Variants in DNAH9 observed in about 807,000 individuals in gnomAD.
DNAH9 encodes dynein axonemal heavy chain 9, also known as DNAH9 variant protein.
DNAH9 carries 345 observed loss-of-function variants against 471.6 expected under a neutral mutation model. The observed-to-expected ratio is 0.73, with a 90% CI of 0.67 to 0.80. The LOEUF (loss-of-function observed/expected upper bound fraction) is 0.80. Among genes scored for constraint, DNAH9 ranks in the 30% least tolerant of loss-of-function variants. DNAH9 has a pLI of 0.00. For synonymous variants in DNAH9, 2,093 were observed against 2,123.6 expected (o/e 0.99, Z 0.40); for missense variants, 5,407 against 5,609.2 (o/e 0.96, Z 1.15).
At chr17:11,705,271 C>T in intron 26 of DNAH9, 86 bp downstream of exon 26, 1 of 1,215,232 alleles carries the variant, frequency 8.2e-7, no homozygotes. Context: ...GTCCCTGTCA[C>T]TTGCTATTTG....
chr17:11,757,743 C>A, intron 35 of DNAH9, 51 bp downstream of exon 35: 1 of 1,580,808 alleles, frequency 6.3e-7, no homozygotes, highest in East Asian at 2.2e-5. Context: ...ATAAAAAGCC[C>A]ATGGGTTCAC....
intron 29 of DNAH9, among the ~76,000 whole-genome samples, chr17:11,741,636 A>G (rs1197746284): frequency 6.6e-6 from 1 of 152,204 alleles, no homozygotes; most frequent in African/African-American, 2.4e-5. Flanking sequence ...CACTTAATAC[A>G]TACTTTAGGC....
At chr17:11,661,778 G>A (rs1039656952) in intron 14 of DNAH9, among the ~76,000 whole-genome samples, 4 of 151,902 alleles carry the variant, frequency 2.6e-5, no homozygotes, top group African/African-American at 9.7e-5. Context: ...TATATTAATA[G>A]TAAAATATAT....
At chr17:11,703,819 C>T (rs755549352) in intron 24 of DNAH9, among the ~76,000 whole-genome samples, 1 of 152,114 alleles carries the variant, frequency 6.6e-6, no homozygotes, top group Non-Finnish European at 1.5e-5. Flanking sequence ...GAGCAGAAGA[C>T]TGGGTGTCAT....
intron 5 of DNAH9, among the ~76,000 whole-genome samples, chr17:11,618,032 G>A (rs921653196): frequency 9.9e-5 from 15 of 152,182 alleles, no homozygotes; most frequent in African/African-American, 3.6e-4. Flanking sequence ...CCACTTCTGT[G>A]CCAGGACAAA....
intron 67 of DNAH9, among the ~76,000 whole-genome samples, chr17:11,951,342 G>A (rs80030378): frequency 6.6e-6 from 1 of 152,240 alleles, no homozygotes; most frequent in African/African-American, 2.4e-5. Context: ...AGCAAGTAGT[G>A]CTATTGTATG....
chr17:11,786,595 T>C (rs1968878062), intron 41 of DNAH9, among the ~76,000 whole-genome samples: 1 of 152,178 alleles, frequency 6.6e-6, no homozygotes, highest in South Asian at 2.1e-4. Flanking sequence ...AATTTAGAGA[T>C]GACAAAACCG....
intron 20 of DNAH9, among the ~76,000 whole-genome samples, chr17:11,692,756 A>T (rs916675694): frequency 6.6e-6 from 1 of 151,974 alleles, no homozygotes; most frequent in Non-Finnish European, 1.5e-5. Flanking sequence ...TATCATAATA[A>T]ATTGATACAG....
At chr17:11,641,662 T>A (rs1037426965) in intron 10 of DNAH9, among the ~76,000 whole-genome samples, 54 of 151,746 alleles carry the variant, frequency 3.6e-4, no homozygotes, top group African/African-American at 1.3e-3. Flanking sequence ...CCCTCATGCA[T>A]CTCAATCACG....
intron 50 of DNAH9, among the ~76,000 whole-genome samples, chr17:11,855,010 C>T (rs543134478): frequency 6.6e-6 from 1 of 152,234 alleles, no homozygotes; most frequent in East Asian, 1.9e-4. Flanking sequence ...CTTGGATTCA[C>T]ACCTATTTGG....
intron 1 of DNAH9, among the ~76,000 whole-genome samples, chr17:11,604,987 A>G (rs2072468957): frequency 6.6e-6 from 1 of 152,152 alleles, no homozygotes; most frequent in African/African-American, 2.4e-5. Flanking sequence ...GAGAGTAAAA[A>G]TCAAAATCTC....
intron 35 of DNAH9, among the ~76,000 whole-genome samples, chr17:11,759,517 C>CTTTTTTTTTTT (rs1157505657): frequency 1.1e-4 from 9 of 83,974 alleles, no homozygotes; most frequent in Admixed American, 1.7e-4. Flanking sequence ...ATACACACCA[C>CTTTTTTTTTTT]TTTTTTTTTT....
At chr17:11,605,878 A>G (rs1416145375) in intron 1 of DNAH9, among the ~76,000 whole-genome samples, 1 of 152,100 alleles carries the variant, frequency 6.6e-6, no homozygotes, top group Non-Finnish European at 1.5e-5. Context: ...ACCCCCACTC[A>G]AAACTATTCC....
Position 11,834,729 on chromosome 17 carries a change from T to C in DNAH9, c.9338T>C (p.Val3113Ala). 6.2e-7 allele frequency: 1 copy of C among 1,614,008 alleles called. No homozygotes were observed. The highest frequency in any genetic ancestry group is 8.5e-7 in the Non-Finnish European group (1 of 1,179,988). The change falls in exon 49 of 69, where the codon GTG becomes GCG. Residue 3113 changes from valine (V) to alanine (A), a missense_variant. Val to Ala is a moderately conservative substitution (Grantham distance 64). This residue lies in a region of DNAH9 where 4,636 missense variants were observed against 4,900.3 expected (regional missense o/e 0.95). Transcript: ENST00000262442. ...GACAAACTGATTCAGGTCGTGGGTG[T>C]GGAGACTGACAAAGTGAGCAGAGAG... is the stretch of plus-strand genomic sequence containing the variant. ...DADKLIQVVG[V>A]ETDKVSREKA...
chr17:11,705,110 G>A lies in DNAH9; in HGVS notation c.5477G>A (p.Cys1826Tyr). 6.2e-7 allele frequency: 1 copy of A among 1,614,180 alleles called. No individual in the cohort carries two copies. The highest frequency in any genetic ancestry group is 1.3e-5 in the African/African-American group (1 of 75,074). ...GTCAAACACTGCTTTGCCAACATCT[G>A]TGATGCCCAGTTTTTGTATTCCTAT... Reference protein sequence around the residue: ...DEVKHCFANICDAQFLYSYEY... With the variant: ...DEVKHCFANIYDAQFLYSYEY... Residue 1826 changes from cysteine to tyrosine, a missense_variant, in exon 26 of 69, where the codon TGT becomes TAT. Transcript: ENST00000262442.
rs11371438 is a variant in DNAH9 at position 11,930,765 on chromosome 17, CAAAAA to C, written c.12105+685_12105+689del. On this transcript the variant is annotated intron_variant, in intron 63 of 68. Transcript: ENST00000262442. ...GGGCGACAGAGTGAGACTCCATCTC[CAAAAA>C]AAAAAAAAAAAATTGCAGATTTTTA... is the stretch of plus-strand genomic sequence containing the variant. Among the ~76,000 whole-genome samples, 10 of 125,174 alleles carry C rather than the reference CAAAAA, an allele frequency of 8.0e-5. No homozygotes were observed. The East Asian group carries it at 1.4e-3, about 18-fold the overall frequency. 82.1% of individuals were successfully genotyped at this position (125,174 alleles called of 152,430 possible).
intron 67 of DNAH9, among the ~76,000 whole-genome samples, chr17:11,943,765 A>G (rs1975022800): frequency 1.3e-5 from 2 of 152,170 alleles, no homozygotes; most frequent in African/African-American, 4.8e-5. Flanking sequence ...GCACCTCAAC[A>G]TGGGTAGAAG....
At chr17:11,726,303 G>A (rs1322778215) in intron 27 of DNAH9, among the ~76,000 whole-genome samples, 1 of 152,052 alleles carries the variant, frequency 6.6e-6, no homozygotes. Context: ...AAAATCAGGG[G>A]TTATGTGAAG....
rs186334022 is a variant in DNAH9, at chr17:11,680,341, G to A, written c.3576+362G>A. ...AAGCAACCCTGAAGAATATAGAAAA[G>A]GGAAGGGGTTAATGTAGCTTCAGTA... On this transcript the variant is annotated intron_variant, in intron 18 of 68. Coordinates refer to ENST00000262442, the MANE Select transcript of DNAH9 (RefSeq NM_001372.4). Among the ~76,000 whole-genome samples the A allele has an allele frequency of 1.2e-4, 18 of 152,152 alleles. No individual in the cohort carries two copies. In the East Asian group the frequency reaches 3.3e-3, roughly 28 times the overall value.
Sources: allele counts gnomAD v4.1 joint callset (sites outside exome capture counted in the v4.1 genomes callset), GRCh38; gene constraint gnomAD v4.1.1; regional missense constraint gnomAD v4.1.1; transcripts MANE v1.5; gene names NCBI Gene and HGNC (gene_info 2026-07-23, HGNC 2026-07-21).